The following STRBP variants were observed in gnomAD, a reference collection of about 807,000 sequenced individuals.
STRBP encodes spermatid perinuclear RNA-binding protein.
In STRBP, 13 loss-of-function variants were observed where a neutral mutation model predicts 80.1. The observed-to-expected ratio is 0.16, with a 90% confidence interval of 0.11 to 0.26. The LOEUF is 0.26. Ranked by LOEUF, STRBP falls within the 10% of genes least tolerant of loss-of-function variation. STRBP has a pLI of 1.00. For synonymous variants in STRBP, 284 were observed against 291.2 expected, an observed-to-expected ratio of 0.98 and a Z score of 0.25; for missense variants, 485 against 815.2, an observed-to-expected ratio of 0.59 and a Z score of 4.93.
chr9:123,131,187 T>C (rs2036121411), intron 17 of STRBP, among the ~76,000 whole-genome samples: 1 of 152,234 alleles, frequency 6.6e-6, no homozygotes, highest in Non-Finnish European at 1.5e-5. Flanking sequence ...ATCTTGTCAA[T>C]GCTCACACCT....
At chr9:123,257,009 T>C (rs1291665604) in intron 1 of STRBP, among the ~76,000 whole-genome samples, 1 of 151,490 alleles carries the variant, frequency 6.6e-6, no homozygotes, top group Non-Finnish European at 1.5e-5. Context: ...ATTGTCAAAC[T>C]CATAAAGATA....
At chr9:123,203,530 A>C (rs1382898026) in intron 2 of STRBP, among the ~76,000 whole-genome samples, 4 of 151,812 alleles carry the variant, frequency 2.6e-5, no homozygotes, top group African/African-American at 9.7e-5. Flanking sequence ...ACTGTGCTCT[A>C]CTCACAATAG....
intron 11 of STRBP, among the ~76,000 whole-genome samples, chr9:123,151,478 C>T (rs1219568238): frequency 2.0e-5 from 3 of 152,134 alleles, no homozygotes; most frequent in Non-Finnish European, 4.4e-5. Context: ...AGAAATCATA[C>T]AACACATGTT....
chr9:123,156,586 C>A (rs1305720579), intron 11 of STRBP, among the ~76,000 whole-genome samples: 1 of 151,132 alleles, frequency 6.6e-6, no homozygotes, highest in Non-Finnish European at 1.5e-5. Context: ...GAAAATAAAA[C>A]ATTCCATTAG....
Position 123,136,425 on chromosome 9 carries a change from T to G in STRBP, c.1588A>C (p.Ile530Leu), listed in dbSNP as rs748181424. The change falls in exon 15 of 19, where the codon ATC becomes CTC. Residue 530 changes from isoleucine (I) to leucine (L), a missense_variant. Physicochemically the swap from Ile to Leu is conservative, Grantham distance 5 (BLOSUM62 2). Transcript: ENST00000348403. This position sits in a 1 kb window ranked among gnomAD's most constrained non-coding sequence, Gnocchi z 4.2. ...TCATGGCTTCCACCAGTCTCTGAGA[T>G]GAGTTCATACTTGAGACCTCTTCTT... Reference protein sequence around the residue: ...EKRRGLKYELISETGGSHDKR... With the variant: ...EKRRGLKYELLSETGGSHDKR... 6.2e-7 allele frequency: 1 copy of G among 1,614,192 alleles called. No homozygotes were observed. Among genetic ancestry groups the G allele is most frequent in the South Asian group, 1.1e-5 (1 of 91,074 alleles).
chr9:123,268,229 C>T (rs1362875423), intron 1 of STRBP, among the ~76,000 whole-genome samples: 1 of 150,798 alleles, frequency 6.6e-6, no homozygotes, highest in Admixed American at 6.6e-5. Flanking sequence ...GCAGCGGCGG[C>T]GGCGGCGGCC....
chr9:123,157,311 TAAC>T (rs943896228), intron 11 of STRBP, among the ~76,000 whole-genome samples: 15 of 152,232 alleles, frequency 9.9e-5, no homozygotes, highest in African/African-American at 3.6e-4. Context: ...GTGATAGTGA[TAAC>T]GTCTCCTCCT....
At position 123,249,574 on chromosome 9, in the gene STRBP, A is replaced by C. The variant is rs899472392; in HGVS notation, c.-301-12608T>G. On this transcript the variant is annotated intron_variant, in intron 1 of 18. Transcript: ENST00000348403. ...GAGGATCACTTGAGCCCAGGAGTTCAAGGTTATAGTGAGGTATGATTGCAC... is the reference window on the plus strand; with the variant it reads ...GAGGATCACTTGAGCCCAGGAGTTCCAGGTTATAGTGAGGTATGATTGCAC... Among the ~76,000 whole-genome samples, 3 of 152,238 alleles carry C rather than the reference A, an allele frequency of 2.0e-5. No homozygotes were observed. In the South Asian group the frequency reaches 6.2e-4, roughly 32 times the overall value.
At chr9:123,172,927 TG>T (rs2038069086) in intron 5 of STRBP, among the ~76,000 whole-genome samples, 1 of 152,218 alleles carries the variant, frequency 6.6e-6, no homozygotes, top group South Asian at 2.1e-4. Flanking sequence ...GGCATTGATA[TG>T]AAGACAAACT....
intron 11 of STRBP, among the ~76,000 whole-genome samples, chr9:123,156,934 A>G (rs2037313363): frequency 6.6e-6 from 1 of 152,110 alleles, no homozygotes; most frequent in Admixed American, 6.6e-5. Flanking sequence ...AAAAAAAAAT[A>G]TTTTTGAGGC....
At chr9:123,256,009 CCTTT>C (rs1441766941) in intron 1 of STRBP, among the ~76,000 whole-genome samples, 39 of 144,752 alleles carry the variant, frequency 2.7e-4, no homozygotes, top group African/African-American at 7.1e-4. Context: ...TCCAAGACAT[CCTTT>C]CTTTCTTTTT....
chr9:123,203,214 C>T (rs949627543), intron 2 of STRBP, among the ~76,000 whole-genome samples: 12 of 151,928 alleles, frequency 7.9e-5, no homozygotes, highest in African/African-American at 1.2e-4. Flanking sequence ...GGCATGGTGG[C>T]GTGTGCCTTC....
intron 2 of STRBP, among the ~76,000 whole-genome samples, chr9:123,223,060 T>C (rs1052762547): frequency 4.1e-5 from 6 of 144,842 alleles, no homozygotes; most frequent in African/African-American, 1.5e-4. Flanking sequence ...GATAGATAGA[T>C]AGATAGATAG....
In STRBP at chr9:123,231,151, A is replaced by AT. The variant is rs915438339; in HGVS notation, c.-165+5678dup. Among the ~76,000 whole-genome samples the AT allele has an allele frequency of 3.5e-3, 523 of 149,736 alleles. 2 individuals are homozygous for AT. The highest frequency in any genetic ancestry group is 7.6e-3 in the African/African-American group (313 of 40,940). On this transcript the variant is annotated intron_variant, in intron 2 of 18. Coordinates refer to ENST00000348403, the MANE Select transcript of STRBP (RefSeq NM_018387.5). ...CTGGGGTGGGATCCAGGTTATCAGT[A>AT]TTTTTTTTTTAACTCTACAGAGATT...
intron 11 of STRBP, among the ~76,000 whole-genome samples, chr9:123,154,425 A>C (rs1341480762): frequency 1.3e-5 from 2 of 152,208 alleles, no homozygotes; most frequent in East Asian, 3.9e-4. Flanking sequence ...GGGAAAGAAA[A>C]TCTAGGAAAT....
chr9:123,183,985 T>C, intron 3 of STRBP, 147 bp downstream of exon 3: 1 of 597,890 alleles, frequency 1.7e-6, no homozygotes, highest in East Asian at 2.9e-5. Context: ...TCATTCGCTT[T>C]GAATAGTAGA....
intron 13 of STRBP, 91 bp from the exon 14 acceptor site, chr9:123,139,778 G>C (rs2036513574): frequency 1.5e-6 from 2 of 1,353,318 alleles, no homozygotes; most frequent in South Asian, 2.6e-5. Flanking sequence ...CAAATCCATA[G>C]TGTTTGAACC....
At chr9:123,237,988 AC>A (rs2040605793) in intron 1 of STRBP, among the ~76,000 whole-genome samples, 2 of 152,194 alleles carry the variant, frequency 1.3e-5, no homozygotes, top group South Asian at 4.1e-4. Context: ...CACCTGTGTA[AC>A]CTTGAGATCG....
chr9:123,248,252 C>T (rs1429648636), intron 1 of STRBP, among the ~76,000 whole-genome samples: 1 of 150,994 alleles, frequency 6.6e-6, no homozygotes, highest in Non-Finnish European at 1.5e-5. Flanking sequence ...CTTCTCCCAC[C>T]CCTATCGTGT....
Sources: allele counts gnomAD v4.1 joint callset (sites outside exome capture counted in the v4.1 genomes callset), GRCh38; gene constraint gnomAD v4.1.1; non-coding constraint Gnocchi (gnomAD v3.1); transcripts MANE v1.5; gene names NCBI Gene and HGNC (gene_info 2026-07-23, HGNC 2026-07-21).